TOP2B: variants seen among roughly 807,000 people sequenced by gnomAD.
The protein encoded by TOP2B is DNA topoisomerase II beta, also known as DNA topoisomerase 2-beta.
Under a neutral mutation model 193.5 loss-of-function variants are expected in TOP2B, and 51 were observed. The observed-to-expected ratio is 0.26, with a 90% CI of 0.21 to 0.33. TOP2B has a LOEUF of 0.33. Among genes scored for constraint, TOP2B ranks in the 10% least tolerant of loss-of-function variants. The pLI is 1.00. For missense variants in TOP2B, 1,378 were observed against 1,909.3 expected (o/e 0.72, Z 5.19); for synonymous variants, 634 against 635.7 (o/e 1.00, Z 0.04).
At chr3:25,610,197 A>G (rs774324672) in intron 28 of TOP2B, among the ~76,000 whole-genome samples, 14 of 152,160 alleles carry the variant, frequency 9.2e-5, no homozygotes, top group Admixed American at 2.6e-4. Context: ...AAAAAAAAAA[A>G]TCTTCAAATT....
intron 1 of TOP2B, among the ~76,000 whole-genome samples, chr3:25,657,508 A>G (rs1435954606): frequency 1.3e-5 from 2 of 152,310 alleles, no homozygotes; most frequent in East Asian, 3.9e-4. Flanking sequence ...GAGAACAGCA[A>G]ATTGCCTTGA....
intron 27 of TOP2B, among the ~76,000 whole-genome samples, chr3:25,614,521 G>C (rs555331172): frequency 2.9e-4 from 44 of 151,970 alleles, no homozygotes; most frequent in African/African-American, 1.0e-3. Context: ...AATTCTTTTA[G>C]GCAGCTAATT....
At chr3:25,646,339 C>T (rs1326495585) in intron 1 of TOP2B, among the ~76,000 whole-genome samples, 13 of 152,250 alleles carry the variant, frequency 8.5e-5, no homozygotes, top group Middle Eastern at 6.8e-3. Flanking sequence ...CCAATAATTC[C>T]TCACATATCA....
At position 25,664,554 on chromosome 3, in the gene TOP2B, C is replaced by T. The variant is rs1218188799; in HGVS notation, c.-257G>A. ...CCTAGCGCGGCGGCTGAGGAGAAAG[C>T]AGGGAGCGACCGGCGGCGGCCGAGC... On this transcript the variant is annotated 5_prime_UTR_variant, in exon 1 of 36. Coordinates refer to ENST00000264331, the MANE Select transcript of TOP2B (RefSeq NM_001330700.2). 3 of 1,100,376 alleles carry T rather than the reference C, an allele frequency of 2.7e-6. No homozygotes were observed. The highest frequency in any genetic ancestry group is 1.7e-5 in the African/African-American group (1 of 60,014). The allele number at this position is 1,100,376 out of a possible 1,614,324, so 68.2% of individuals were successfully genotyped here.
chr3:25,601,613 C>CAA (rs879457010), intron 33 of TOP2B, among the ~76,000 whole-genome samples: 1 of 146,564 alleles, frequency 6.8e-6, no homozygotes, highest in Non-Finnish European at 1.5e-5. Flanking sequence ...ACTCTATCTT[C>CAA]AAAAAAAAAA....
intron 25 of TOP2B, among the ~76,000 whole-genome samples, chr3:25,616,731 G>A (rs987425174): frequency 3.3e-5 from 5 of 151,596 alleles, no homozygotes; most frequent in Non-Finnish European, 5.9e-5. Context: ...ATATCACTAG[G>A]ATACAACAAA....
At chr3:25,663,196 A>G (rs1229299534) in intron 1 of TOP2B, among the ~76,000 whole-genome samples, 2 of 152,212 alleles carry the variant, frequency 1.3e-5, no homozygotes, top group Non-Finnish European at 2.9e-5. Context: ...AGTTGTCAAT[A>G]TAGCACAAAT....
chr3:25,610,929 T>C (rs1324832768), intron 28 of TOP2B, among the ~76,000 whole-genome samples: 2 of 152,306 alleles, frequency 1.3e-5, no homozygotes, highest in South Asian at 2.1e-4. Context: ...AGGCAGTCAA[T>C]AGGACTTAGT....
At chr3:25,622,624 A>T (rs1223897168) in intron 21 of TOP2B, among the ~76,000 whole-genome samples, 1 of 147,358 alleles carries the variant, frequency 6.8e-6, no homozygotes, top group Non-Finnish European at 1.5e-5. Flanking sequence ...CAACAAACAT[A>T]AAAAAAAAAT....
In TOP2B at chr3:25,637,266, T is replaced by C. The variant is rs201547782; in HGVS notation, c.588A>G (p.Thr196=). 3 of 1,561,322 alleles carry C rather than the reference T, an allele frequency of 1.9e-6. No homozygotes were observed. The African/African-American group carries it at 4.1e-5, about 21-fold the overall frequency. ...YGAKLCNIFS[T]KFTVETACKE... ...TGCAAGCTGTTTCTACTGTAAACTT[T>C]GTACTGAAAATATTACAAAGTTTTG... The change falls in exon 6 of 36, where the codon ACA becomes ACG. Residue 196 remains threonine (T), a synonymous_variant. Transcript: ENST00000264331.
At chr3:25,627,329 A>C in intron 15 of TOP2B, 33 bp from the exon 16 acceptor site, 3 of 1,377,644 alleles carry the variant, frequency 2.2e-6, no homozygotes, top group Non-Finnish European at 3.0e-6. Flanking sequence ...GTGAGTCATG[A>C]ATATCAATGT....
chr3:25,641,318 G>A (rs939293406), intron 4 of TOP2B, among the ~76,000 whole-genome samples: 4 of 152,122 alleles, frequency 2.6e-5, no homozygotes, highest in African/African-American at 9.7e-5. Flanking sequence ...AACATTCAGT[G>A]TCTATTACTC....
chr3:25,642,356 T>G lies in TOP2B; in HGVS notation c.361A>C (p.Lys121Gln). The G allele has an allele frequency of 6.5e-7, 1 of 1,549,212 alleles. No individual in the cohort carries two copies. Among genetic ancestry groups the G allele is most frequent in the Non-Finnish European group, 8.7e-7 (1 of 1,144,642 alleles). The change falls in exon 4 of 36, where the codon AAG becomes CAG. Residue 121 changes from lysine to glutamine, a missense_variant. By Grantham distance (53) the Lys-to-Gln change is moderately conservative. Around this residue, in one of 9 missense-constraint regions of TOP2B, gnomAD observed 21 missense variants for 19.6 expected, o/e 1.07. Coordinates refer to ENST00000264331, the MANE Select transcript of TOP2B (RefSeq NM_001330700.2). ...VNAADNKQRD[K>Q]NMTCIKVSID... ...GAAACTTTAATACAAGTCATGTTCT[T>G]ATCCCTCTGTTTATTGTCAGCAGCA...
intron 27 of TOP2B, among the ~76,000 whole-genome samples, chr3:25,613,886 C>G (rs3885774): frequency 0.26 from 39,087 of 151,936 alleles, 5,169 homozygotes; most frequent in East Asian, 0.31. Flanking sequence ...GTGACTTAAC[C>G]TCTCCAAGCT....
chr3:25,601,275 A>C, intron 33 of TOP2B, 50 bp from the exon 34 acceptor site: 1 of 1,577,406 alleles, frequency 6.3e-7, no homozygotes, highest in Middle Eastern at 1.7e-4. Flanking sequence ...CCAACAAACC[A>C]AACTGAAGAG....
chr3:25,637,400 A>G, intron 5 of TOP2B, 88 bp from the exon 6 acceptor site: 1 of 870,838 alleles, frequency 1.1e-6, no homozygotes, highest in Admixed American at 2.5e-5. Flanking sequence ...AGGCTGTTGC[A>G]AAACTGTTCC....
intron 18 of TOP2B, among the ~76,000 whole-genome samples, chr3:25,625,478 G>A (rs1702770625): frequency 1.3e-5 from 2 of 152,142 alleles, no homozygotes. Flanking sequence ...GTGGCCCGTG[G>A]GCTGCATGTG....
chr3:25,612,012 G>T (rs552226085), intron 28 of TOP2B, among the ~76,000 whole-genome samples: 1 of 151,420 alleles, frequency 6.6e-6, no homozygotes, highest in Non-Finnish European at 1.5e-5. Context: ...GCACAATCTC[G>T]GCTCACTGCA....
chr3:25,623,864 A>G (rs1279005023), intron 20 of TOP2B, 118 bp from the exon 21 acceptor site: 1 of 686,336 alleles, frequency 1.5e-6, no homozygotes, highest in African/African-American at 1.8e-5. Context: ...ATGCATTTTT[A>G]ATAATTTTGA....
Sources: allele counts gnomAD v4.1 joint callset (sites outside exome capture counted in the v4.1 genomes callset), GRCh38; gene constraint gnomAD v4.1.1; regional missense constraint gnomAD v4.1.1; transcripts MANE v1.5; gene names NCBI Gene and HGNC (gene_info 2026-07-23, HGNC 2026-07-21).